PCDH15: variants seen among roughly 807,000 people sequenced by gnomAD.
PCDH15 encodes the protein protocadherin-15.
Under a neutral mutation model 178.5 loss-of-function variants are expected in PCDH15, and 129 were observed. The observed-to-expected ratio is 0.72, with a 90% CI of 0.63 to 0.84. The LOEUF (loss-of-function observed/expected upper bound fraction) is 0.84. PCDH15 is among the 40% of genes least tolerant of loss of function. The pLI, the probability that PCDH15 is intolerant of heterozygous loss-of-function variation, is 0.00. For synonymous variants in PCDH15, 800 were observed against 732.0 expected, an observed-to-expected ratio of 1.09 and a Z score of -1.50; for missense variants, 2,230 against 2,099.9, an observed-to-expected ratio of 1.06 and a Z score of -1.21.
At chr10:54,358,376 G>T (rs1945397435) in intron 5 of PCDH15, among the ~76,000 whole-genome samples, 1 of 151,908 alleles carries the variant, frequency 6.6e-6, no homozygotes, top group Non-Finnish European at 1.5e-5. Flanking sequence ...CTTCTCAAAA[G>T]AAGACATTTA....
intron 2 of PCDH15, among the ~76,000 whole-genome samples, chr10:55,382,126 A>C (rs1375778010): frequency 6.6e-6 from 1 of 152,114 alleles, no homozygotes; most frequent in Admixed American, 6.6e-5. Flanking sequence ...CTGGATATAC[A>C]AAAAATTCCT....
At chr10:54,283,275 A>C (rs973058131) in intron 8 of PCDH15, among the ~76,000 whole-genome samples, 2 of 152,158 alleles carry the variant, frequency 1.3e-5, no homozygotes, top group Non-Finnish European at 2.9e-5. Context: ...TTTCACCTTC[A>C]ACTTCTCATT....
At chr10:54,380,729 T>TATACACAC (rs1434535029) in intron 3 of PCDH15, among the ~76,000 whole-genome samples, 3 of 115,074 alleles carry the variant, frequency 2.6e-5, no homozygotes, top group African/African-American at 1.1e-4. Context: ...TATATATATA[T>TATACACAC]ATATATATAT....
chr10:55,605,394 T>G (rs985952641), intron 2 of PCDH15, among the ~76,000 whole-genome samples: 3 of 151,116 alleles, frequency 2.0e-5, no homozygotes, highest in Non-Finnish European at 4.5e-5. Context: ...TAACTCATTT[T>G]ATGAGGCCAG....
intron 2 of PCDH15, among the ~76,000 whole-genome samples, chr10:55,083,556 C>T (rs1031323554): frequency 6.6e-6 from 1 of 151,656 alleles, no homozygotes; most frequent in African/African-American, 2.4e-5. Context: ...ACTAGAAGTC[C>T]TAATTAGTGT....
intron 2 of PCDH15, among the ~76,000 whole-genome samples, chr10:54,946,712 C>T (rs538724170): frequency 6.6e-6 from 1 of 151,890 alleles, no homozygotes; most frequent in South Asian, 2.1e-4. Context: ...ATAATTTTCT[C>T]TAGTAAATTT....
chr10:55,185,979 G>A (rs1839789640), intron 1 of PCDH15, among the ~76,000 whole-genome samples: 1 of 151,620 alleles, frequency 6.6e-6, no homozygotes, highest in Non-Finnish European at 1.5e-5. Flanking sequence ...CTATGTATTA[G>A]TATTTGTTTG....
chr10:54,947,961 A>G (rs1838234124), intron 2 of PCDH15, among the ~76,000 whole-genome samples: 1 of 151,922 alleles, frequency 6.6e-6, no homozygotes. Flanking sequence ...CTTCTTTCCT[A>G]GGAATTCTTA....
At chr10:54,393,545 T>C (rs947469382) in intron 3 of PCDH15, among the ~76,000 whole-genome samples, 39 of 152,180 alleles carry the variant, frequency 2.6e-4, no homozygotes, top group African/African-American at 8.9e-4. Context: ...TGGGAAAATA[T>C]ATCAACTCAT....
chr10:54,329,495 A>C, intron 7 of PCDH15, 101 bp downstream of exon 7: 1 of 834,320 alleles, frequency 1.2e-6, no homozygotes, highest in Non-Finnish European at 2.0e-6. Flanking sequence ...CTGATGAAGA[A>C]GTGAGTGGCA....
intron 37 of PCDH15, 133 bp from the exon 38 acceptor site, chr10:53,807,263 G>T: frequency 1.5e-6 from 1 of 686,808 alleles, no homozygotes; most frequent in Non-Finnish European, 2.3e-6. Context: ...GAGATAGAAG[G>T]AAGCCAGTCT....
intron 11 of PCDH15, among the ~76,000 whole-genome samples, chr10:54,194,909 C>A (rs564144270): frequency 6.6e-6 from 1 of 152,268 alleles, no homozygotes; most frequent in South Asian, 2.1e-4. Context: ...TCTCAGGCTT[C>A]ATTCTCTCCC....
At chr10:54,219,848 T>G (rs2052588581) in intron 9 of PCDH15, among the ~76,000 whole-genome samples, 1 of 151,996 alleles carries the variant, frequency 6.6e-6, no homozygotes, top group Non-Finnish European at 1.5e-5. Flanking sequence ...TAAAAATAGT[T>G]ATTTTATAAG....
At chr10:54,314,169 T>C (rs1304507727) in intron 8 of PCDH15, among the ~76,000 whole-genome samples, 2 of 150,786 alleles carry the variant, frequency 1.3e-5, no homozygotes, top group Admixed American at 6.6e-5. Flanking sequence ...ACACACGCAA[T>C]ACAGAGTGCC....
chr10:55,131,341 T>C (rs1025519243), intron 2 of PCDH15, among the ~76,000 whole-genome samples: 1 of 152,148 alleles, frequency 6.6e-6, no homozygotes, highest in Non-Finnish European at 1.5e-5. Context: ...AGCTTGGAGA[T>C]GCCAGGAACT....
At chr10:54,117,094 T>TA (rs2095127357) in intron 15 of PCDH15, among the ~76,000 whole-genome samples, 1 of 152,136 alleles carries the variant, frequency 6.6e-6, no homozygotes, top group African/African-American at 2.4e-5. Flanking sequence ...TTGTTCCACC[T>TA]ATGCAGCCTG....
intron 2 of PCDH15, among the ~76,000 whole-genome samples, chr10:55,090,694 G>C (rs778201551): frequency 6.6e-6 from 1 of 151,900 alleles, no homozygotes; most frequent in Admixed American, 6.6e-5. Context: ...CAACAAACAC[G>C]CAATGTGAGA....
chr10:55,532,402 T>C (rs1841474706), intron 2 of PCDH15, among the ~76,000 whole-genome samples: 1 of 152,092 alleles, frequency 6.6e-6, no homozygotes, highest in Non-Finnish European at 1.5e-5. Context: ...AGTCGCTTCA[T>C]TAATTCCAAC....
intron 14 of PCDH15, among the ~76,000 whole-genome samples, chr10:54,140,031 G>T (rs1409618301): frequency 6.6e-6 from 1 of 152,036 alleles, no homozygotes; most frequent in African/African-American, 2.4e-5. Context: ...CTATCTTCAT[G>T]CCTGTACAAA....
Sources: gnomAD v4.1 joint callset for allele counts (sites outside exome capture counted in the v4.1 genomes callset) on GRCh38, gnomAD v4.1.1 for gene constraint, MANE v1.5 for transcripts, NCBI Gene and HGNC (gene_info 2026-07-23, HGNC 2026-07-21) for gene names.